The following STARD13 variants were observed in gnomAD, a reference collection of about 807,000 sequenced individuals.
STARD13 encodes stAR-related lipid transfer protein 13.
In STARD13, 62 loss-of-function variants were observed where a neutral mutation model predicts 106.4. The ratio of observed to expected loss-of-function variants is 0.58; its 90% CI spans 0.48 to 0.72. The LOEUF (loss-of-function observed/expected upper bound fraction) is 0.72. Ranked by LOEUF, STARD13 falls within the 30% of genes least tolerant of loss-of-function variation. STARD13 has a pLI of 0.00. For missense variants in STARD13, 1,387 were observed against 1,424.0 expected (o/e 0.97, Z 0.42); for synonymous variants, 565 against 553.0 (o/e 1.02, Z -0.31).
the STARD13 span, among the ~76,000 whole-genome samples, chr13:33,429,967 GAGTGC>G: frequency 5.9e-5 from 9 of 151,532 alleles, no homozygotes; most frequent in Non-Finnish European, 1.2e-4. Flanking sequence ...GCCCAGGCTG[GAGTGC>G]AGTGGCGCGA....
At chr13:33,464,020 A>AATAC in the STARD13 span, among the ~76,000 whole-genome samples, 1 of 78,136 alleles carries the variant, frequency 1.3e-5, no homozygotes, top group Admixed American at 1.3e-4. Context: ...TCAAAAAAAA[A>AATAC]ATACATATAT....
intron 1 of STARD13, among the ~76,000 whole-genome samples, chr13:33,262,662 A>ACACACAACACACACACAC (rs5802678): frequency 3.7e-4 from 43 of 114,984 alleles, no homozygotes; most frequent in African/African-American, 1.0e-3. Flanking sequence ...ACACACACAC[A>ACACACAACACACACACAC]ACACACACAC....
At chr13:33,476,919 C>A in the STARD13 span, among the ~76,000 whole-genome samples, 5 of 152,142 alleles carry the variant, frequency 3.3e-5, no homozygotes, top group African/African-American at 1.2e-4. Context: ...GAAGGTGACA[C>A]CAAAATGAAT....
the STARD13 span, among the ~76,000 whole-genome samples, chr13:33,403,253 G>C: frequency 6.6e-6 from 1 of 152,198 alleles, no homozygotes; most frequent in Non-Finnish European, 1.5e-5. Flanking sequence ...TCCTGCAAGG[G>C]GGATCAGGGA....
intron 1 of STARD13, among the ~76,000 whole-genome samples, chr13:33,186,298 AG>A (rs1166102718): frequency 1.3e-5 from 2 of 152,214 alleles, no homozygotes; most frequent in Admixed American, 1.3e-4. Flanking sequence ...ACCCCTAAAG[AG>A]GACTAAAATG....
At chr13:33,572,037 CA>C in the STARD13 span, among the ~76,000 whole-genome samples, 1 of 152,148 alleles carries the variant, frequency 6.6e-6, no homozygotes, top group African/African-American at 2.4e-5. Context: ...ACACCAGAAA[CA>C]GAGATAAAGA....
the STARD13 span, among the ~76,000 whole-genome samples, chr13:33,587,042 C>T: frequency 1.3e-5 from 2 of 151,900 alleles, no homozygotes; most frequent in African/African-American, 4.8e-5. Flanking sequence ...GGTGAAACCC[C>T]GTCTTACTAC....
chr13:33,477,004 T>C, the STARD13 span, among the ~76,000 whole-genome samples: 5 of 152,110 alleles, frequency 3.3e-5, no homozygotes, highest in Middle Eastern at 3.2e-3. Context: ...GTAAAAGAGG[T>C]GGGCACATGA....
the STARD13 span, among the ~76,000 whole-genome samples, chr13:33,563,416 A>G: frequency 3.4e-5 from 5 of 147,058 alleles, no homozygotes; most frequent in Non-Finnish European, 7.5e-5. Context: ...GGACCCAGAT[A>G]TAAATCCACG....
chr13:33,350,716 C>G (rs1316592788), upstream of STARD13: 1 of 1,040,106 alleles, frequency 9.6e-7, no homozygotes, highest in African/African-American at 1.7e-5. Flanking sequence ...CCTCCACTCC[C>G]CTCCCTCCCC....
At chr13:33,412,597 G>A in the STARD13 span, among the ~76,000 whole-genome samples, 5 of 151,882 alleles carry the variant, frequency 3.3e-5, no homozygotes, top group Admixed American at 6.6e-5. Context: ...CAAATATAAC[G>A]ATACAGGCAG....
At chr13:33,221,737 A>G (rs887262553) in intron 1 of STARD13, among the ~76,000 whole-genome samples, 8 of 152,236 alleles carry the variant, frequency 5.3e-5, no homozygotes, top group African/African-American at 1.9e-4. Context: ...TTGTACATTC[A>G]CATTCATAGC....
intron 1 of STARD13, among the ~76,000 whole-genome samples, chr13:33,338,366 G>A (rs1218733366): frequency 6.6e-6 from 1 of 152,052 alleles, no homozygotes; most frequent in Non-Finnish European, 1.5e-5. Context: ...ATTTTAATTA[G>A]GTCTCCATCA....
chr13:33,471,604 C>T, the STARD13 span, among the ~76,000 whole-genome samples: 6 of 150,158 alleles, frequency 4.0e-5, no homozygotes, highest in African/African-American at 1.5e-4. Context: ...AGAGTAGATA[C>T]ATTCACAATT....
chr13:33,250,420 T>A (rs973622032), intron 1 of STARD13, among the ~76,000 whole-genome samples: 19 of 152,302 alleles, frequency 1.2e-4, no homozygotes, highest in African/African-American at 4.6e-4. Flanking sequence ...GCAAAAACAG[T>A]ATTCACTGTC....
chr13:33,332,711 AC>A (rs768977041), intron 1 of STARD13, among the ~76,000 whole-genome samples: 84 of 151,792 alleles, frequency 5.5e-4, no homozygotes, highest in Non-Finnish European at 8.2e-4. Flanking sequence ...CCCAAATAGC[AC>A]CCCCTTTCAG....
At chr13:33,632,851 G>A in the STARD13 span, among the ~76,000 whole-genome samples, 2 of 149,490 alleles carry the variant, frequency 1.3e-5, no homozygotes, top group Admixed American at 1.3e-4. Flanking sequence ...GAGGCAATAA[G>A]CAAGACGTAA....
intron 1 of STARD13, among the ~76,000 whole-genome samples, chr13:33,205,317 A>G (rs1887339409): frequency 6.6e-6 from 1 of 152,246 alleles, no homozygotes; most frequent in Non-Finnish European, 1.5e-5. Flanking sequence ...TGTCAACACC[A>G]ATAACATTAT....
chr13:33,296,932 T>TA (rs1892518897), intron 1 of STARD13, among the ~76,000 whole-genome samples: 1 of 152,212 alleles, frequency 6.6e-6, no homozygotes, highest in Admixed American at 6.5e-5. Context: ...TTCAACTTTT[T>TA]AAAATTCCAC....
Sources: gnomAD v4.1 joint callset for allele counts (sites outside exome capture counted in the v4.1 genomes callset) on GRCh38, gnomAD v4.1.1 for gene constraint, MANE v1.5 for transcripts, NCBI Gene and HGNC (gene_info 2026-07-23, HGNC 2026-07-21) for gene names.